Variants in ERBB4 observed in about 807,000 individuals in gnomAD.
ERBB4 encodes the protein erb-b2 receptor tyrosine kinase 4.
Under a neutral mutation model 158.0 loss-of-function variants are expected in ERBB4, and 42 were observed. That is an observed-to-expected ratio of 0.27 (90% CI 0.21 to 0.34). The LOEUF (loss-of-function observed/expected upper bound fraction) is 0.34. Ranked by LOEUF, ERBB4 falls within the 10% of genes least tolerant of loss-of-function variation. The pLI, the probability that ERBB4 is intolerant of heterozygous loss-of-function variation, is 1.00. For missense variants in ERBB4, 1,333 were observed against 1,624.1 expected (o/e 0.82, Z 3.08); for synonymous variants, 583 against 558.7 (o/e 1.04, Z -0.61).
At chr2:212,221,697 T>G (rs924678144) in intron 1 of ERBB4, among the ~76,000 whole-genome samples, 25 of 151,514 alleles carry the variant, frequency 1.7e-4, no homozygotes, top group African/African-American at 5.6e-4. Context: ...TTTGAAAATC[T>G]TATCCTAAAT....
chr2:212,200,199 A>C (rs1052654986), intron 1 of ERBB4, among the ~76,000 whole-genome samples: 1 of 152,132 alleles, frequency 6.6e-6, no homozygotes, highest in Non-Finnish European at 1.5e-5. Flanking sequence ...ATATCATTCT[A>C]CTTTGAGGAA....
At chr2:212,462,106 T>G (rs1225006780) in intron 1 of ERBB4, among the ~76,000 whole-genome samples, 1 of 152,096 alleles carries the variant, frequency 6.6e-6, no homozygotes, top group Non-Finnish European at 1.5e-5. Flanking sequence ...AAAACCAACT[T>G]TATCTGGAAT....
intron 1 of ERBB4, among the ~76,000 whole-genome samples, chr2:212,312,181 C>G (rs1351201753): frequency 6.6e-6 from 1 of 150,974 alleles, no homozygotes; most frequent in East Asian, 2.0e-4. Flanking sequence ...ACTTTCCCTT[C>G]AAGGAACTAC....
intron 1 of ERBB4, among the ~76,000 whole-genome samples, chr2:212,218,301 T>C (rs941610465): frequency 6.6e-6 from 1 of 151,372 alleles, no homozygotes; most frequent in South Asian, 2.1e-4. Flanking sequence ...ATTCAGAAAA[T>C]TATAGGCCAT....
intron 1 of ERBB4, among the ~76,000 whole-genome samples, chr2:212,423,949 A>G (rs1287068561): frequency 6.6e-6 from 1 of 152,162 alleles, no homozygotes; most frequent in Non-Finnish European, 1.5e-5. Context: ...TATTATTAAA[A>G]CCTAAATAAC....
At chr2:211,757,557 T>A (rs994415364) in intron 4 of ERBB4, among the ~76,000 whole-genome samples, 1 of 152,212 alleles carries the variant, frequency 6.6e-6, no homozygotes, top group Non-Finnish European at 1.5e-5. Flanking sequence ...ACTCATGTGA[T>A]CAAGATTAAT....
chr2:211,477,613 A>C (rs1046626308), intron 20 of ERBB4, among the ~76,000 whole-genome samples: 1 of 152,072 alleles, frequency 6.6e-6, no homozygotes. Flanking sequence ...GTATTAAACT[A>C]TGCATATGTT....
intron 20 of ERBB4, among the ~76,000 whole-genome samples, chr2:211,517,788 T>G (rs574076720): frequency 1.4e-3 from 210 of 152,270 alleles, no homozygotes; most frequent in Middle Eastern, 3.4e-3. Context: ...GAAAATTAAT[T>G]GCCATTTCCA....
At chr2:212,099,176 TAAA>T (rs2079013575) in intron 2 of ERBB4, among the ~76,000 whole-genome samples, 2 of 123,146 alleles carry the variant, frequency 1.6e-5, no homozygotes, top group Admixed American at 1.6e-4. Flanking sequence ...AATAAATAAA[TAAA>T]TAAATAATAA....
chr2:212,140,254 T>C (rs953142993), intron 1 of ERBB4, among the ~76,000 whole-genome samples: 6 of 150,990 alleles, frequency 4.0e-5, no homozygotes, highest in African/African-American at 1.5e-4. Flanking sequence ...TATGGGTTTA[T>C]GTAAATGCAT....
At chr2:211,622,243 T>C (rs1020761105) in intron 18 of ERBB4, among the ~76,000 whole-genome samples, 2 of 152,128 alleles carry the variant, frequency 1.3e-5, no homozygotes, top group African/African-American at 4.8e-5. Flanking sequence ...AATGATACAG[T>C]CTGAGTCTGT....
At chr2:211,928,389 C>T (rs1006420351) in intron 3 of ERBB4, among the ~76,000 whole-genome samples, 11 of 152,106 alleles carry the variant, frequency 7.2e-5, no homozygotes, top group Non-Finnish European at 1.3e-4. Context: ...ATGGAGAAGC[C>T]GGCAACGTGA....
intron 1 of ERBB4, among the ~76,000 whole-genome samples, chr2:212,170,426 A>G (rs1334314971): frequency 1.3e-5 from 2 of 152,158 alleles, no homozygotes; most frequent in African/African-American, 4.8e-5. Flanking sequence ...AGAGAAACCC[A>G]TTTTCTGGGG....
intron 1 of ERBB4, among the ~76,000 whole-genome samples, chr2:212,469,715 T>C (rs372560248): frequency 6.6e-6 from 1 of 152,158 alleles, no homozygotes; most frequent in East Asian, 1.9e-4. Flanking sequence ...CCAAACAGTA[T>C]ATTTTTTTAA....
At chr2:211,635,466 T>C (rs2070322525) in intron 16 of ERBB4, among the ~76,000 whole-genome samples, 1 of 152,190 alleles carries the variant, frequency 6.6e-6, no homozygotes, top group Non-Finnish European at 1.5e-5. Context: ...AAAATATGTA[T>C]ATTCTTAATT....
At chr2:211,994,382 A>C (rs2082148354) in intron 2 of ERBB4, among the ~76,000 whole-genome samples, 1 of 151,960 alleles carries the variant, frequency 6.6e-6, no homozygotes, top group Admixed American at 6.6e-5. Flanking sequence ...CTCCTCCCCC[A>C]TTGGCCTCCC....
intron 3 of ERBB4, among the ~76,000 whole-genome samples, chr2:211,798,067 A>T (rs1248705074): frequency 6.6e-6 from 1 of 151,976 alleles, no homozygotes; most frequent in African/African-American, 2.4e-5. Flanking sequence ...ATATTTGTAC[A>T]TCTGTATCAA....
intron 20 of ERBB4, among the ~76,000 whole-genome samples, chr2:211,491,436 C>T (rs912586018): frequency 1.3e-5 from 2 of 151,936 alleles, no homozygotes; most frequent in African/African-American, 4.8e-5. Flanking sequence ...ATGGACATCA[C>T]AATTCATTTC....
chr2:211,556,883 A>G (rs116055598), intron 20 of ERBB4, among the ~76,000 whole-genome samples: 272 of 152,332 alleles, frequency 1.8e-3, no homozygotes, highest in African/African-American at 5.9e-3. Flanking sequence ...ATGGTATCCA[A>G]CACAGCATGG....
Sources: gnomAD v4.1 joint callset for allele counts (sites outside exome capture counted in the v4.1 genomes callset) on GRCh38, gnomAD v4.1.1 for gene constraint, MANE v1.5 for transcripts, NCBI Gene and HGNC (gene_info 2026-07-23, HGNC 2026-07-21) for gene names.